PPP2R2B: variants seen among roughly 807,000 people sequenced by gnomAD.
PPP2R2B encodes protein phosphatase 2 regulatory subunit Bbeta, also known as serine/threonine-protein phosphatase 2A 55 kDa regulatory subunit B beta isoform.
A neutral mutation model predicts 46.0 loss-of-function variants in PPP2R2B; 5 were observed. That is an observed-to-expected ratio of 0.11 (90% CI 0.06 to 0.23). The LOEUF (loss-of-function observed/expected upper bound fraction) is 0.23. Ranked by LOEUF, PPP2R2B falls within the 10% of genes least tolerant of loss-of-function variation. The probability of loss-of-function intolerance (pLI) is 1.00; values close to 1 mark genes in which losing one functional copy is unlikely to be tolerated. For synonymous variants in PPP2R2B, 215 were observed against 206.7 expected (o/e 1.04, Z -0.34); for missense variants, 367 against 575.0 (o/e 0.64, Z 3.70).
In PPP2R2B at chr5:146,832,381, T is replaced by TC. The variant is rs1759005994; in HGVS notation, c.70+45620_70+45621insG. ...CAAGTAAGTGTGCCATTTTTAATCT[T>TC]TTTTTTTTTTTTTTTTTTTTTTTTT... On this transcript the variant is annotated intron_variant, in intron 2 of 9. Coordinates refer to ENST00000394411, the MANE Select transcript of PPP2R2B (RefSeq NM_181675.4). Among the ~76,000 whole-genome samples the TC allele has an allele frequency of 6.8e-5, 3 of 44,390 alleles. No homozygotes were observed. The East Asian group carries it at 1.1e-3, about 16-fold the overall frequency. 29.1% of individuals were successfully genotyped at this position (44,390 alleles called of 152,430 possible).
intron 7 of PPP2R2B, 88 bp from the exon 8 acceptor site, chr5:146,600,548 T>C: frequency 7.6e-7 from 1 of 1,321,348 alleles, no homozygotes; most frequent in Non-Finnish European, 1.0e-6. Flanking sequence ...GCTGACAGTG[T>C]AACTGAGAGT....
chr5:146,967,029 A>G (rs1018676127), intron 1 of PPP2R2B, among the ~76,000 whole-genome samples: 4 of 152,132 alleles, frequency 2.6e-5, no homozygotes, highest in East Asian at 1.9e-4. Context: ...AGTTTCACCT[A>G]TTTTACAGAT....
intron 2 of PPP2R2B, among the ~76,000 whole-genome samples, chr5:146,814,930 C>A (rs1458751101): frequency 6.6e-6 from 1 of 152,206 alleles, no homozygotes; most frequent in Non-Finnish European, 1.5e-5. Context: ...CTGTCTTATG[C>A]CCCTCAGTTG....
chr5:146,673,859 G>T (rs466085), intron 5 of PPP2R2B, among the ~76,000 whole-genome samples: 4 of 152,180 alleles, frequency 2.6e-5, no homozygotes, highest in East Asian at 1.9e-4. Context: ...CTCAAACTGA[G>T]GATTTTTTTC....
At chr5:146,833,943 T>A (rs1759117084) in intron 2 of PPP2R2B, among the ~76,000 whole-genome samples, 1 of 152,216 alleles carries the variant, frequency 6.6e-6, no homozygotes, top group Admixed American at 6.5e-5. Context: ...TCTCTCTTTA[T>A]GATTAAGAAG....
chr5:147,064,590 A>C (rs1757364236), intron 2 of PPP2R2B, among the ~76,000 whole-genome samples: 1 of 152,228 alleles, frequency 6.6e-6, no homozygotes. Flanking sequence ...GATTAGAATA[A>C]AGAAGAACTA....
At chr5:146,845,444 G>A (rs931858956) in intron 2 of PPP2R2B, among the ~76,000 whole-genome samples, 5 of 150,182 alleles carry the variant, frequency 3.3e-5, no homozygotes, top group African/African-American at 1.3e-4. Flanking sequence ...TAGTAGAGAC[G>A]GGGTTTCACC....
At chr5:146,739,959 T>G (rs1394352716) in intron 2 of PPP2R2B, among the ~76,000 whole-genome samples, 1 of 152,220 alleles carries the variant, frequency 6.6e-6, no homozygotes, top group Non-Finnish European at 1.5e-5. Context: ...CTTGGACCTC[T>G]TGAAAATACT....
At chr5:146,872,238 C>T (rs1761656425) in intron 2 of PPP2R2B, among the ~76,000 whole-genome samples, 1 of 152,186 alleles carries the variant, frequency 6.6e-6, no homozygotes, top group African/African-American at 2.4e-5. Context: ...TAGTGATTTT[C>T]AATGCATTCT....
intron 1 of PPP2R2B, among the ~76,000 whole-genome samples, chr5:147,012,162 C>T (rs1355391020): frequency 6.6e-6 from 1 of 151,496 alleles, no homozygotes; most frequent in Non-Finnish European, 1.5e-5. Context: ...GGTACCAGTT[C>T]CTCCTTGTAC....
At chr5:146,983,554 A>G (rs538030235) in intron 1 of PPP2R2B, among the ~76,000 whole-genome samples, 9 of 151,954 alleles carry the variant, frequency 5.9e-5, no homozygotes, top group Non-Finnish European at 1.5e-5. Context: ...AAGTTATCAC[A>G]CTCTCCTGGG....
At chr5:146,713,546 T>C (rs1302257891) in intron 2 of PPP2R2B, among the ~76,000 whole-genome samples, 2 of 152,186 alleles carry the variant, frequency 1.3e-5, no homozygotes, top group African/African-American at 4.8e-5. Context: ...AGACTCAATT[T>C]GGCTACAGTG....
chr5:147,020,983 G>A (rs1755234706), intron 1 of PPP2R2B, among the ~76,000 whole-genome samples: 1 of 152,152 alleles, frequency 6.6e-6, no homozygotes, highest in Admixed American at 6.5e-5. Context: ...TGAAAAACTT[G>A]TGAGCTTCTT....
intron 7 of PPP2R2B, among the ~76,000 whole-genome samples, chr5:146,618,883 C>T (rs908939072): frequency 6.6e-6 from 1 of 152,226 alleles, no homozygotes; most frequent in Non-Finnish European, 1.5e-5. Flanking sequence ...GAACATGAAA[C>T]GACCGGCAAT....
intron 1 of PPP2R2B, among the ~76,000 whole-genome samples, chr5:146,991,405 T>C (rs572240693): frequency 6.6e-6 from 1 of 152,172 alleles, no homozygotes; most frequent in South Asian, 2.1e-4. Flanking sequence ...AGAATAGTGA[T>C]TACCAGAGGC....
chr5:147,014,138 C>T (rs1754879353), intron 1 of PPP2R2B, among the ~76,000 whole-genome samples: 1 of 127,112 alleles, frequency 7.9e-6, no homozygotes, highest in Non-Finnish European at 1.7e-5. Context: ...TGAAAAAATG[C>T]TCATCATCAC....
intron 7 of PPP2R2B, among the ~76,000 whole-genome samples, chr5:146,606,098 G>C (rs1224088478): frequency 3.3e-5 from 5 of 152,192 alleles, no homozygotes; most frequent in Admixed American, 2.0e-4. Context: ...GCCAACTTTA[G>C]AGAAACCTAA....
chr5:146,933,036 A>G (rs1196450066), intron 1 of PPP2R2B, among the ~76,000 whole-genome samples: 1 of 152,170 alleles, frequency 6.6e-6, no homozygotes, highest in Non-Finnish European at 1.5e-5. Flanking sequence ...TTCACGTGGG[A>G]ATTATATCAT....
Position 146,888,002 on chromosome 5 carries a change from C to T in PPP2R2B, c.79+167663G>A, listed in dbSNP as rs1431416080. On this transcript the variant is annotated intron_variant, in intron 1 of 8. Coordinates refer to the PPP2R2B transcript ENST00000336640. The stretch of plus-strand genomic sequence containing the variant: ...TTTGTTTTGTATGCAATTGAGTACT[C>T]TCTCCTTCCTAATACAGTTTTTTCA... 1.3e-5 allele frequency among the ~76,000 whole-genome samples: 2 copies of T among 151,982 alleles called. 1 individual carries two copies. Among genetic ancestry groups the T allele is most frequent in the East Asian group, 3.9e-4 (2 of 5,186 alleles).
Sources: allele counts gnomAD v4.1 joint callset (sites outside exome capture counted in the v4.1 genomes callset), GRCh38; gene constraint gnomAD v4.1.1; transcripts MANE v1.5; gene names NCBI Gene and HGNC (gene_info 2026-07-23, HGNC 2026-07-21).